PLEKHM2: variants seen among roughly 807,000 people sequenced by gnomAD.
PLEKHM2 encodes pleckstrin homology domain-containing family M member 2.
A neutral mutation model predicts 116.3 loss-of-function variants in PLEKHM2; 77 were observed. That is an observed-to-expected ratio of 0.66 (90% CI 0.55 to 0.80). The LOEUF is 0.80. PLEKHM2 is among the 30% of genes least tolerant of loss of function. PLEKHM2 has a pLI of 0.00. For synonymous variants in PLEKHM2, 562 were observed against 571.0 expected (o/e 0.98, Z 0.22); for missense variants, 1,183 against 1,354.9 (o/e 0.87, Z 1.99).
At chr1:15,712,648 CTTTTT>C (rs1366648962) in intron 1 of PLEKHM2, among the ~76,000 whole-genome samples, 4 of 136,710 alleles carry the variant, frequency 2.9e-5, no homozygotes, top group East Asian at 2.1e-4. Context: ...TCTTATTTTC[CTTTTT>C]TTTTTTTTTT....
In PLEKHM2 at chr1:15,716,291, G is replaced by A; in HGVS notation, c.115G>A (p.Asp39Asn). ...EDEIPAIRNH[D>N]KVLQRLCEHL... Reference sequence around the variant, plus strand: ...TGAGATCCCTGCCATCCGGAACCATGACAAGGTCCTACAGCGTCTGTGTGA... The same window carrying A: ...TGAGATCCCTGCCATCCGGAACCATAACAAGGTCCTACAGCGTCTGTGTGA... Residue 39 changes from aspartate to asparagine, a missense_variant, in exon 2 of 20, where the codon GAC (aspartate) becomes AAC (asparagine). By Grantham distance (23) the Asp-to-Asn change is conservative. This residue lies in a region of PLEKHM2 where 217 missense variants were observed against 277.6 expected (regional missense o/e 0.78). Coordinates refer to ENST00000375799, the MANE Select transcript of PLEKHM2 (RefSeq NM_015164.4). 3.7e-6 allele frequency: 6 copies of A among 1,608,154 alleles called. No individual in the cohort carries two copies. Among genetic ancestry groups the A allele is most frequent in the Non-Finnish European group, 5.1e-6 (6 of 1,177,412 alleles).
intron 7 of PLEKHM2, 100 bp from the exon 8 acceptor site, chr1:15,725,217 A>C: frequency 4.5e-5 from 35 of 770,088 alleles, no homozygotes; most frequent in Non-Finnish European, 7.0e-5. Context: ...CCTGGGAGGA[A>C]CTGGCCAGCC....
chr1:15,685,469 C>T (rs1557636455), intron 1 of PLEKHM2, among the ~76,000 whole-genome samples: 2 of 144,714 alleles, frequency 1.4e-5, no homozygotes, highest in Non-Finnish European at 3.0e-5. Context: ...ATGGATTTTT[C>T]TCTCTCTCTC....
intron 1 of PLEKHM2, among the ~76,000 whole-genome samples, chr1:15,699,436 T>C (rs138977889): frequency 1.3e-3 from 199 of 152,238 alleles, no homozygotes; most frequent in Non-Finnish European, 2.2e-3. Context: ...AAGGAGAACA[T>C]GCAGTGTTTG....
intron 8 of PLEKHM2, among the ~76,000 whole-genome samples, chr1:15,726,698 T>TCCTAGAGTGCAGCTAGC (rs1468193048): frequency 1.3e-5 from 2 of 152,168 alleles, no homozygotes; most frequent in Non-Finnish European, 1.5e-5. Context: ...TGTTTTTCTT[T>TCCTAGAGTGCAGCTAGC]CCTAGAGTGC....
At chr1:15,709,964 G>A (rs1243015753) in intron 1 of PLEKHM2, among the ~76,000 whole-genome samples, 1 of 152,086 alleles carries the variant, frequency 6.6e-6, no homozygotes, top group Non-Finnish European at 1.5e-5. Flanking sequence ...GGTGGCTCAT[G>A]CCTGTAATCC....
chr1:15,694,783 A>T (rs558331264), intron 1 of PLEKHM2, among the ~76,000 whole-genome samples: 3 of 150,624 alleles, frequency 2.0e-5, no homozygotes, highest in Admixed American at 2.0e-4. Context: ...TTTGAGACAG[A>T]GTCTCACTCT....
intron 19 of PLEKHM2, 104 bp from the exon 20 acceptor site, chr1:15,733,693 A>G (rs551611518): frequency 1.6e-6 from 2 of 1,255,686 alleles, no homozygotes; most frequent in Non-Finnish European, 2.2e-6. Flanking sequence ...AGGGCCTGAC[A>G]GGGGCTCCGT....
At chr1:15,716,518 T>C (rs1381481622) in intron 2 of PLEKHM2, among the ~76,000 whole-genome samples, 175 bp downstream of exon 2, 1 of 152,212 alleles carries the variant, frequency 6.6e-6, no homozygotes, top group Non-Finnish European at 1.5e-5. Context: ...AAATCATCTC[T>C]GGGCAGACAT....
At chr1:15,712,002 C>T (rs1004449562) in intron 1 of PLEKHM2, among the ~76,000 whole-genome samples, 5 of 151,518 alleles carry the variant, frequency 3.3e-5, no homozygotes, top group African/African-American at 4.9e-5. Context: ...CCTGTAATCC[C>T]AGCTACTCAG....
intron 1 of PLEKHM2, among the ~76,000 whole-genome samples, chr1:15,686,654 T>G (rs1557637067): frequency 1.3e-5 from 2 of 149,306 alleles, no homozygotes; most frequent in Admixed American, 6.6e-5. Flanking sequence ...CTAAATTTTT[T>G]TTTTTTTTTT....
Sources: gnomAD v4.1 joint callset for allele counts (sites outside exome capture counted in the v4.1 genomes callset) on GRCh38, gnomAD v4.1.1 for gene constraint, gnomAD v4.1.1 regional missense constraint, MANE v1.5 for transcripts, NCBI Gene and HGNC (gene_info 2026-07-23, HGNC 2026-07-21) for gene names.